CRYBG3: variants seen among roughly 807,000 people sequenced by gnomAD.
CRYBG3 encodes the protein crystallin beta-gamma domain containing 3.
CRYBG3 carries 127 observed loss-of-function variants against 244.2 expected under a neutral mutation model. The observed-to-expected ratio is 0.52, with a 90% confidence interval of 0.45 to 0.60. The LOEUF is 0.60. Among genes scored for constraint, CRYBG3 ranks in the 20% least tolerant of loss-of-function variants. CRYBG3 has a pLI of 0.00. For missense variants in CRYBG3, 3,325 were observed against 3,442.5 expected, an observed-to-expected ratio of 0.97 and a Z score of 0.85; for synonymous variants, 1,132 against 1,195.8, an observed-to-expected ratio of 0.95 and a Z score of 1.10.
rs1434613992 is a variant in CRYBG3, at chr3:97,876,786, C to T, written c.5592C>T (p.Pro1864=). ...ATATTGGGAAACACAAAGTGTTACC[C>T]GCAGTGGTAGACATTGAGAAAATAC... is the stretch of plus-strand genomic sequence containing the variant. ...GENIGKHKVL[P]AVVDIEKIHG... is the part of the protein sequence containing the mutation. The change falls in exon 4 of 22, where the codon CCC becomes CCT. Residue 1864 remains proline (P), a synonymous_variant. Transcript: ENST00000389622. The T allele has an allele frequency of 8.6e-6, 11 of 1,278,672 alleles. No individual in the cohort carries two copies. Among genetic ancestry groups the T allele is most frequent in the East Asian group, 2.9e-5 (1 of 33,914 alleles). The allele number at this position is 1,278,672 out of a possible 1,614,324, so 79.2% of individuals were successfully genotyped here. A position where few individuals can be genotyped will look rare whatever the true frequency, so the allele number is the denominator to read the frequency against.
chr3:97,892,333 G>T (rs956790068), intron 10 of CRYBG3, among the ~76,000 whole-genome samples: 6 of 152,008 alleles, frequency 3.9e-5, no homozygotes, highest in Non-Finnish European at 8.8e-5. Context: ...TTTCAATTAG[G>T]GTGCAAACAA....
intron 1 of CRYBG3, among the ~76,000 whole-genome samples, chr3:97,825,966 T>G (rs1025084499): frequency 6.6e-6 from 1 of 152,234 alleles, no homozygotes; most frequent in Admixed American, 6.5e-5. Flanking sequence ...TTTATTGATT[T>G]GAAGCACTAA....
intron 1 of CRYBG3, among the ~76,000 whole-genome samples, chr3:97,831,917 C>T (rs2038659093): frequency 6.6e-6 from 1 of 151,374 alleles, no homozygotes; most frequent in African/African-American, 2.4e-5. Context: ...ATTGCTTTAC[C>T]ATCGTTTCCA....
At chr3:97,880,547 G>A (rs533420116) in intron 6 of CRYBG3, among the ~76,000 whole-genome samples, 16 of 152,188 alleles carry the variant, frequency 1.1e-4, no homozygotes, top group Non-Finnish European at 2.4e-4. Context: ...AAAATGAGGG[G>A]CAACCCTATC....
At chr3:97,861,101 A>G (rs2039140535) in intron 2 of CRYBG3, among the ~76,000 whole-genome samples, 1 of 152,022 alleles carries the variant, frequency 6.6e-6, no homozygotes, top group Non-Finnish European at 1.5e-5. Context: ...CTGTGACCAT[A>G]TTATTCCTCA....
At chr3:97,884,305 A>G (rs2039483750) in intron 7 of CRYBG3, among the ~76,000 whole-genome samples, 1 of 152,188 alleles carries the variant, frequency 6.6e-6, no homozygotes, top group Admixed American at 6.6e-5. Context: ...CATTTATAAA[A>G]TTAGAATAAA....
At chr3:97,859,681 C>T (rs985878711) in intron 2 of CRYBG3, among the ~76,000 whole-genome samples, 1 of 152,052 alleles carries the variant, frequency 6.6e-6, no homozygotes, top group African/African-American at 2.4e-5. Context: ...TTTTGAGAAC[C>T]CAAATCCTAG....
chr3:97,887,666 G>A (rs2039525228), intron 8 of CRYBG3, among the ~76,000 whole-genome samples: 1 of 152,194 alleles, frequency 6.6e-6, no homozygotes, highest in Admixed American at 6.5e-5. Flanking sequence ...TGAGGCAGGA[G>A]AATCGCTTGA....
intron 3 of CRYBG3, among the ~76,000 whole-genome samples, chr3:97,871,378 AT>A (rs1250617635): frequency 2.6e-5 from 4 of 152,220 alleles, no homozygotes; most frequent in African/African-American, 9.6e-5. Flanking sequence ...CGTGCTAAAC[AT>A]TGCTGTTCAA....
rs749940329 is a variant in CRYBG3, at chr3:97,892,949, T to C, written c.7530T>C (p.Asn2510=). ...IDSVPNFLKN[N]GDFHRIGSIR... ...CTGTTCCTAATTTTTTGAAAAATAA[T>C]GGAGATTTTCACAGAATTGGATCAA... Residue 2510 remains asparagine, a synonymous_variant, in exon 11 of 22, where the codon AAT becomes AAC. Transcript: ENST00000389622. 1 of 1,602,810 alleles carries C rather than the reference T, an allele frequency of 6.2e-7. No homozygotes were observed. The highest frequency in any genetic ancestry group is 8.5e-7 in the Non-Finnish European group (1 of 1,175,040).
In CRYBG3 at chr3:97,879,756, TA is replaced by T; in HGVS notation, c.6888+10del. ...AACCCAAGACCTGGGAAGGTAAGGA[TA>T]ACTTTCTCAAACTAAGATAAAGGTT... On this transcript the variant is annotated intron_variant, in intron 5 of 21. Coordinates refer to ENST00000389622, the MANE Select transcript of CRYBG3 (RefSeq NM_153605.4). The T allele has an allele frequency of 6.3e-7, 1 of 1,595,210 alleles. No homozygotes were observed. The highest frequency in any genetic ancestry group is 8.6e-7 in the Non-Finnish European group (1 of 1,168,104).
intron 11 of CRYBG3, among the ~76,000 whole-genome samples, chr3:97,894,372 A>G (rs1445422742): frequency 8.4e-6 from 1 of 118,654 alleles, no homozygotes; most frequent in African/African-American, 2.6e-5. Flanking sequence ...CATCTGCAAG[A>G]GAAAGATGTG....
At position 97,899,169 on chromosome 3, in the gene CRYBG3, G is replaced by A; in HGVS notation, c.7877G>A (p.Gly2626Glu). Residue 2626 changes from glycine to glutamate, a missense_variant, in exon 14 of 22, where the codon GGA becomes GAA. This residue lies in a region of CRYBG3 where 714 missense variants were observed against 803.6 expected (regional missense o/e 0.89). Coordinates refer to ENST00000389622, the MANE Select transcript of CRYBG3 (RefSeq NM_153605.4). ...GCCTACCAGCAAAAGTTCTTCTGTG[G>A]AGAACAATACATTTTAGAAAAAGGG... is the stretch of plus-strand genomic sequence containing the variant. The part of the protein sequence containing the change: ...WVAYQQKFFC[G>E]EQYILEKGKY... 6.2e-7 allele frequency: 1 copy of A among 1,613,192 alleles called. No individual in the cohort carries two copies.
intron 17 of CRYBG3, among the ~76,000 whole-genome samples, chr3:97,925,506 G>A (rs555990853): frequency 1.3e-5 from 2 of 152,156 alleles, no homozygotes; most frequent in South Asian, 4.1e-4. Flanking sequence ...AAATATAGTA[G>A]TTACAATGAA....
intron 2 of CRYBG3, among the ~76,000 whole-genome samples, chr3:97,862,733 T>C (rs1310942896): frequency 1.3e-5 from 2 of 151,160 alleles, no homozygotes; most frequent in African/African-American, 4.9e-5. Flanking sequence ...TGGAATCAAA[T>C]TGTAGTTGAA....
chr3:97,876,356 A>T lies in CRYBG3; in HGVS notation c.5162A>T (p.Asp1721Val), dbSNP rs769967683. 7 of 1,232,002 alleles carry T rather than the reference A, an allele frequency of 5.7e-6. No individual in the cohort carries two copies. Among genetic ancestry groups the T allele is most frequent in the Non-Finnish European group, 7.1e-6 (7 of 987,978 alleles). 76.3% of individuals were successfully genotyped at this position (1,232,002 alleles called of 1,614,324 possible). The stretch of plus-strand genomic sequence containing the variant: ...GCAATGGAAAATACTTACCAAAAGG[A>T]TGCTGAAGGGGATATTGGAAAGGCT... ...TLAMENTYQK[D>V]AEGDIGKAEV... Residue 1721 changes from aspartate to valine, a missense_variant, in exon 4 of 22, where the codon GAT becomes GTT. Asp to Val is a radical substitution (Grantham distance 152, BLOSUM62 -3). Around this residue, in one of 4 missense-constraint regions of CRYBG3, gnomAD observed 635 missense variants for 771.7 expected, o/e 0.82. Coordinates refer to ENST00000389622, the MANE Select transcript of CRYBG3 (RefSeq NM_153605.4).
At chr3:97,826,837 A>C (rs2038583917) in intron 1 of CRYBG3, among the ~76,000 whole-genome samples, 1 of 152,252 alleles carries the variant, frequency 6.6e-6, no homozygotes. Flanking sequence ...TCTTAATATG[A>C]ACTCATTATA....
intron 2 of CRYBG3, among the ~76,000 whole-genome samples, chr3:97,843,779 A>G (rs958970444): frequency 6.6e-5 from 10 of 152,346 alleles, no homozygotes; most frequent in Admixed American, 5.9e-4. Flanking sequence ...ACACACCTAC[A>G]TAGGGGATTC....
rs549571846 is a variant in CRYBG3, at chr3:97,932,771, C to T, written c.8242-923C>T. ...GCTGTTTCCTGTTGGGCTGATTTGC[C>T]GTTCCCCCAACATGTCCCATGTGTT... On this transcript the variant is annotated intron_variant, in intron 17 of 21. Transcript: ENST00000389622. Among the ~76,000 whole-genome samples, 7 of 152,166 alleles carry T rather than the reference C, an allele frequency of 4.6e-5. No individual in the cohort carries two copies. In the South Asian group the frequency reaches 1.2e-3, roughly 27 times the overall value.
Sources: gnomAD v4.1 joint callset for allele counts (sites outside exome capture counted in the v4.1 genomes callset) on GRCh38, gnomAD v4.1.1 for gene constraint, gnomAD v4.1.1 regional missense constraint, MANE v1.5 for transcripts, NCBI Gene and HGNC (gene_info 2026-07-23, HGNC 2026-07-21) for gene names.